ARVCF: variants seen among roughly 807,000 people sequenced by gnomAD.
ARVCF encodes ARVCF delta catenin family member.
A neutral mutation model predicts 90.9 loss-of-function variants in ARVCF; 66 were observed. The ratio of observed to expected loss-of-function variants is 0.73; its 90% CI spans 0.60 to 0.89. The LOEUF is 0.89. Ranked by LOEUF, ARVCF falls within the 40% of genes least tolerant of loss-of-function variation. The probability of loss-of-function intolerance (pLI) is 0.00; values close to 1 mark genes in which losing one functional copy is unlikely to be tolerated. For missense variants in ARVCF, 1,469 were observed against 1,382.3 expected (o/e 1.06, Z -1.00); for synonymous variants, 653 against 603.4 (o/e 1.08, Z -1.21).
chr22:19,991,002 G>A (rs1944005273), intron 2 of ARVCF, among the ~76,000 whole-genome samples, 190 bp from the exon 3 acceptor site: 1 of 152,254 alleles, frequency 6.6e-6, no homozygotes, highest in African/African-American at 2.4e-5. Flanking sequence ...GGAAGCAGCC[G>A]GCTCACTCCC....
Position 19,970,321 on chromosome 22 carries a change from T to C in ARVCF, c.*435A>G, listed in dbSNP as rs1942680914. 1.0e-6 allele frequency: 1 copy of C among 998,326 alleles called. No homozygotes were observed. Among genetic ancestry groups the C allele is most frequent in the East Asian group, 1.1e-4 (1 of 9,322 alleles). 61.8% of individuals were successfully genotyped at this position (998,326 alleles called of 1,614,324 possible). A position where few individuals can be genotyped will look rare whatever the true frequency, so the allele number is the denominator to read the frequency against. ...GACCCTCCGCCTTTAGAAGTCCAAG[T>C]TCTTTCCCAGCCCCCTCCCTGCCTA... On this transcript the variant is annotated 3_prime_UTR_variant, in exon 20 of 20. Coordinates refer to ENST00000263207, the MANE Select transcript of ARVCF (RefSeq NM_001670.3).
At chr22:20,007,836 G>A (rs1944687410) in intron 2 of ARVCF, among the ~76,000 whole-genome samples, 1 of 152,198 alleles carries the variant, frequency 6.6e-6, no homozygotes, top group Non-Finnish European at 1.5e-5. Flanking sequence ...TTGTTTTTCA[G>A]GAATTAGCCA....
At chr22:20,009,700 G>A (rs1331359528) in intron 2 of ARVCF, among the ~76,000 whole-genome samples, 1 of 152,238 alleles carries the variant, frequency 6.6e-6, no homozygotes, top group Non-Finnish European at 1.5e-5. Flanking sequence ...CCTTCAGAGG[G>A]TCCTGGGGGA....
At chr22:20,011,015 C>A (rs889119231) in intron 1 of ARVCF, among the ~76,000 whole-genome samples, 2 of 152,384 alleles carry the variant, frequency 1.3e-5, no homozygotes, top group East Asian at 1.9e-4. Context: ...CTGCCCCCAA[C>A]AGTCTCCAGT....
In ARVCF at chr22:19,972,731, A is replaced by G; in HGVS notation, c.2641+6T>C. ...CCCTCTAGGCTCCCTAAGCTCCACC[A>G]CTCACCAAGGCTCTTGTCCACCAGT... On this transcript the variant is annotated splice_donor_region_variant and intron_variant, in intron 16 of 19. Transcript: ENST00000263207. 6.2e-7 allele frequency: 1 copy of G among 1,605,482 alleles called. No individual in the cohort carries two copies. Among genetic ancestry groups the G allele is most frequent in the Non-Finnish European group, 8.5e-7 (1 of 1,175,898 alleles).
At chr22:19,972,030 G>GA (rs1176821543) in intron 17 of ARVCF, 59 bp from the exon 18 acceptor site, 1 of 1,463,424 alleles carries the variant, frequency 6.8e-7, no homozygotes, top group Non-Finnish European at 9.3e-7. Context: ...TGTAGGAGCA[G>GA]ATCTCCCTCT....
At chr22:19,974,406 G>A (rs747558161) in intron 11 of ARVCF, 167 bp from the exon 12 acceptor site, 26 of 800,780 alleles carry the variant, frequency 3.2e-5, no homozygotes, top group East Asian at 2.2e-4. Context: ...CACCCAAGGG[G>A]AAAAGCGTTC....
In ARVCF at chr22:19,973,787, T is replaced by C; in HGVS notation, c.2095A>G (p.Thr699Ala). ...NLSAGNWMWA[T>A]YIRATVRKER... ...TTGCGCACTGTGGCGCGGATGTACGTGGCCCACTGCGGAGGCGGGGAGAGG... is the reference window on the plus strand; with the variant it reads ...TTGCGCACTGTGGCGCGGATGTACGCGGCCCACTGCGGAGGCGGGGAGAGG... The change falls in exon 13 of 20, where the codon ACG (threonine) becomes GCG (alanine). Residue 699 changes from threonine (T) to alanine (A), a missense_variant. Transcript: ENST00000263207. The C allele has an allele frequency of 6.2e-7, 1 of 1,605,028 alleles. No individual in the cohort carries two copies.
At position 19,972,388 on chromosome 22, in the gene ARVCF, C is replaced by A. The variant is rs1942862769; in HGVS notation, c.2665G>T (p.Asp889Tyr). 6 of 1,613,654 alleles carry A rather than the reference C, an allele frequency of 3.7e-6. No homozygotes were observed. The highest frequency in any genetic ancestry group is 4.2e-6 in the Non-Finnish European group (5 of 1,179,990). The change falls in exon 17 of 20, where the codon GAT becomes TAT. Residue 889 changes from aspartate to tyrosine, a missense_variant. Coordinates refer to ENST00000263207, the MANE Select transcript of ARVCF (RefSeq NM_001670.3). The part of the protein sequence containing the change: ...SLEGEKTGSR[D>Y]VIPMDALGPD... ...CCCAGCGCATCCATGGGGATCACAT[C>A]CCGGCTGCCAGTTTTCTCGCCCTCT...
At chr22:20,016,113 A>T (rs907248119) in intron 1 of ARVCF, among the ~76,000 whole-genome samples, 2 of 151,342 alleles carry the variant, frequency 1.3e-5, no homozygotes, top group African/African-American at 4.9e-5. Context: ...GCGCGAGGAC[A>T]CCTCCGGGCC....
At chr22:20,001,272 TC>T (rs1569188915) in intron 2 of ARVCF, among the ~76,000 whole-genome samples, 1 of 152,072 alleles carries the variant, frequency 6.6e-6, no homozygotes, top group Non-Finnish European at 1.5e-5. Flanking sequence ...CACATGAGGT[TC>T]CTCTGAGACA....
chr22:20,004,593 C>A (rs571483252), intron 2 of ARVCF, among the ~76,000 whole-genome samples: 6 of 151,876 alleles, frequency 4.0e-5, no homozygotes, highest in African/African-American at 1.2e-4. Context: ...AGAGCCAAAA[C>A]AATCTGGAAA....
chr22:19,974,739 C>T (rs1943054401), intron 11 of ARVCF, among the ~76,000 whole-genome samples: 1 of 152,188 alleles, frequency 6.6e-6, no homozygotes, highest in South Asian at 2.1e-4. Context: ...CAGGGCCCAC[C>T]CTCCCCCACT....
chr22:19,967,393 ATT>A (rs61143203), downstream of ARVCF: 232 of 433,122 alleles, frequency 5.4e-4, no homozygotes, highest in Admixed American at 3.5e-3. Context: ...TTGCTAGGAC[ATT>A]TTTTTTTTTT....
chr22:19,997,630 T>C (rs1314158858), intron 2 of ARVCF, among the ~76,000 whole-genome samples: 1 of 152,120 alleles, frequency 6.6e-6, no homozygotes, highest in African/African-American at 2.4e-5. Context: ...AGGGGCCACA[T>C]TCTCTGGGCT....
At chr22:19,987,507 C>G (rs1297334772) in intron 3 of ARVCF, among the ~76,000 whole-genome samples, 3 of 152,014 alleles carry the variant, frequency 2.0e-5, no homozygotes, top group East Asian at 1.9e-4. Flanking sequence ...GGTTTGGCCT[C>G]GGTTTATGAC....
At chr22:19,983,024 G>C (rs2238781) in intron 3 of ARVCF, among the ~76,000 whole-genome samples, 6 of 152,110 alleles carry the variant, frequency 3.9e-5, no homozygotes, top group African/African-American at 1.4e-4. Context: ...TCAGAGCCAG[G>C]CCCAACCCCT....
At chr22:20,014,716 A>G (rs756895202) in intron 1 of ARVCF, among the ~76,000 whole-genome samples, 1 of 152,166 alleles carries the variant, frequency 6.6e-6, no homozygotes, top group Non-Finnish European at 1.5e-5. Flanking sequence ...GGCGGGGAGC[A>G]CGACAGATGG....
intron 2 of ARVCF, among the ~76,000 whole-genome samples, chr22:20,000,127 G>C (rs1435213853): frequency 6.6e-6 from 1 of 152,224 alleles, no homozygotes; most frequent in Non-Finnish European, 1.5e-5. Context: ...AGAGGAGCCA[G>C]TGGTGTGAGA....
Sources: gnomAD v4.1 joint callset for allele counts (sites outside exome capture counted in the v4.1 genomes callset) on GRCh38, gnomAD v4.1.1 for gene constraint, MANE v1.5 for transcripts, NCBI Gene and HGNC (gene_info 2026-07-23, HGNC 2026-07-21) for gene names.